ZSWIM9: variants seen among roughly 807,000 people sequenced by gnomAD.
ZSWIM9 encodes the protein uncharacterized protein ZSWIM9.
A neutral mutation model predicts 25.0 loss-of-function variants in ZSWIM9; 11 were observed. That is an observed-to-expected ratio of 0.44 (90% CI 0.28 to 0.73). The LOEUF is 0.73. ZSWIM9 is among the 30% of genes least tolerant of loss of function. The pLI, the probability that ZSWIM9 is intolerant of heterozygous loss-of-function variation, is 0.16. For missense variants in ZSWIM9, 1,070 were observed against 1,296.5 expected, an observed-to-expected ratio of 0.83 and a Z score of 2.68; for synonymous variants, 562 against 582.1, an observed-to-expected ratio of 0.97 and a Z score of 0.50.
At chr19:48,187,537 ATTATATTATATTAT>A (rs2037038632) in intron 3 of ZSWIM9, 1 of 66,966 alleles carries the variant, frequency 1.5e-5, no homozygotes, top group Non-Finnish European at 2.7e-5. Flanking sequence ...TTATATTATT[ATTATATTATATTAT>A]ATATATTATA....
At chr19:48,185,200 C>A (rs953341180) in intron 3 of ZSWIM9, among the ~76,000 whole-genome samples, 5 of 146,938 alleles carry the variant, frequency 3.4e-5, no homozygotes, top group Non-Finnish European at 5.9e-5. Context: ...AGTGCAATGG[C>A]GGAATCTTGG....
At chr19:48,187,465 A>ATATAT (rs2037031617) in intron 3 of ZSWIM9, among the ~76,000 whole-genome samples, 1 of 38,754 alleles carries the variant, frequency 2.6e-5, no homozygotes, top group East Asian at 1.1e-3. Flanking sequence ...TATTAATTAT[A>ATATAT]TATATTATAT....
intron 3 of ZSWIM9, among the ~76,000 whole-genome samples, chr19:48,185,990 A>C (rs751691232): frequency 5.9e-5 from 9 of 152,228 alleles, no homozygotes; most frequent in Non-Finnish European, 1.2e-4. Flanking sequence ...TTGTCTAAAA[A>C]AATAAAAAGA....
rs368105468 is a variant in ZSWIM9 at position 48,183,831 on chromosome 19, CG to C, written c.588+1073del. Among the ~76,000 whole-genome samples, 12 of 143,504 alleles carry C rather than the reference CG, an allele frequency of 8.4e-5. 1 individual carries two copies. The highest frequency in any genetic ancestry group is 1.8e-4 in the African/African-American group (7 of 38,974). The allele number at this position is 143,504 out of a possible 152,430, so 94.1% of individuals were successfully genotyped here. ...TTTTAGTTTTTGTAGAGATGTTTGGCGGGGGGGGGTCTCCCTATGTTGCCCA... is the reference window on the plus strand; with the variant it reads ...TTTTAGTTTTTGTAGAGATGTTTGGCGGGGGGGGTCTCCCTATGTTGCCCA... On this transcript the variant is annotated intron_variant, in intron 3 of 3. Transcript: ENST00000614654.
chr19:48,187,585 T>TAA (rs2037044071), intron 3 of ZSWIM9: 1 of 65,352 alleles, frequency 1.5e-5, no homozygotes, highest in Non-Finnish European at 3.0e-5. Flanking sequence ...ATATTATATA[T>TAA]TATATAATAT....
At chr19:48,172,957 C>G (rs898084607) in intron 2 of ZSWIM9, among the ~76,000 whole-genome samples, 5 of 152,092 alleles carry the variant, frequency 3.3e-5, no homozygotes, top group Non-Finnish European at 5.9e-5. Flanking sequence ...AACAGAAGAG[C>G]CAGGTTTTGT....
intron 1 of ZSWIM9, among the ~76,000 whole-genome samples, chr19:48,171,549 G>T (rs146686685): frequency 1.3e-5 from 2 of 152,098 alleles, no homozygotes; most frequent in Non-Finnish European, 1.5e-5. Flanking sequence ...AGGAGGAGAC[G>T]AGTTGGAATT....
chr19:48,188,269 C>T lies in ZSWIM9; in HGVS notation c.588+5502C>T, dbSNP rs142628819. Among the ~76,000 whole-genome samples the T allele has an allele frequency of 3.6e-3, 553 of 151,600 alleles. 6 individuals carry two copies. The highest frequency in any genetic ancestry group is 0.012 in the African/African-American group (498 of 41,322). On this transcript the variant is annotated intron_variant, in intron 3 of 3. Transcript: ENST00000614654. ...ATGGAGTCTCGCTCTGTCTCCCAGG[C>T]TGGAGTGCAGTGGCGCAATCTTGGC...
chr19:48,182,146 G>A lies in ZSWIM9; in HGVS notation c.276-309G>A. On this transcript the variant is annotated intron_variant, in intron 2 of 3. Coordinates refer to ENST00000614654, the MANE Select transcript of ZSWIM9 (RefSeq NM_199341.4). This position sits in a 1 kb window ranked among gnomAD's most constrained non-coding sequence, Gnocchi z 4.6. ...AGGGTGGTAGGTATAGAATTTTAGT[G>A]AACACTTACTGCTTGCCATATTCCA... is the stretch of plus-strand genomic sequence containing the variant. 1 of 367,840 alleles carries A rather than the reference G, an allele frequency of 2.7e-6. No individual in the cohort carries two copies. Among genetic ancestry groups the A allele is most frequent in the Non-Finnish European group, 4.9e-6 (1 of 204,876 alleles). The allele number at this position is 367,840 out of a possible 1,614,324, so 22.8% of individuals were successfully genotyped here.
rs2123448137 is a variant in ZSWIM9, at chr19:48,194,208, A to G, written c.589-445A>G. ...AACTAGATTGCTGGGGCCCGCCCCC[A>G]GAGTTTCAGACTCAGTGGGTCTGAG... is the stretch of plus-strand genomic sequence containing the variant. On this transcript the variant is annotated intron_variant, in intron 3 of 3. Coordinates refer to ENST00000614654, the MANE Select transcript of ZSWIM9 (RefSeq NM_199341.4). The surrounding 1 kb of genome is among the most constrained non-coding windows in gnomAD (Gnocchi z 6.0). 6.6e-6 allele frequency among the ~76,000 whole-genome samples: 1 copy of G among 152,212 alleles called. No individual in the cohort carries two copies. Among genetic ancestry groups the G allele is most frequent in the East Asian group, 1.9e-4 (1 of 5,170 alleles).
intron 3 of ZSWIM9, among the ~76,000 whole-genome samples, chr19:48,188,816 G>T (rs1054433927): frequency 7.2e-5 from 11 of 152,054 alleles, no homozygotes; most frequent in Admixed American, 6.5e-4. Context: ...TGGATCACGA[G>T]GTCAGGAGAT....
chr19:48,197,398 G>C lies in ZSWIM9; in HGVS notation c.*571G>C. 2 of 626,998 alleles carry C rather than the reference G, an allele frequency of 3.2e-6. No homozygotes were observed. The highest frequency in any genetic ancestry group is 5.7e-6 in the Non-Finnish European group (2 of 350,608). The allele number at this position is 626,998 out of a possible 1,614,324, so 38.8% of individuals were successfully genotyped here. On this transcript the variant is annotated 3_prime_UTR_variant, in exon 4 of 4. Transcript: ENST00000614654. ...AAGGGACGGGATGTAGGAGGGGGAAGAAAAATCGGAGATGAGACAAAAGAA... is the reference window on the plus strand; with the variant it reads ...AAGGGACGGGATGTAGGAGGGGGAACAAAAATCGGAGATGAGACAAAAGAA...
rs2037175815 is a variant in ZSWIM9, at chr19:48,197,051, A to C, written c.*224A>C. On this transcript the variant is annotated 3_prime_UTR_variant, in exon 4 of 4. Coordinates refer to ENST00000614654, the MANE Select transcript of ZSWIM9 (RefSeq NM_199341.4). ...ACAGCTTGGGAAGGTGTTGATGGGC[A>C]GGGTGGATTCTGAGGGCTTCCCTCT... 1.8e-6 allele frequency: 1 copy of C among 545,730 alleles called. No individual in the cohort carries two copies. The highest frequency in any genetic ancestry group is 3.2e-6 in the Non-Finnish European group (1 of 310,340). 33.8% of individuals were successfully genotyped at this position (545,730 alleles called of 1,614,324 possible). A position where few individuals can be genotyped will look rare whatever the true frequency, so the allele number is the denominator to read the frequency against.
intron 3 of ZSWIM9, chr19:48,187,576 TATTA>T (rs1568579884): frequency 3.9e-4 from 25 of 64,254 alleles, no homozygotes; most frequent in Non-Finnish European, 6.0e-4. Context: ...ATATTATATA[TATTA>T]TATATTATAT....
intron 2 of ZSWIM9, chr19:48,180,717 G>A (rs369680175): frequency 2.0e-5 from 3 of 151,648 alleles, no homozygotes; most frequent in African/African-American, 4.8e-5. Flanking sequence ...CGCAATGCTC[G>A]GAAACAAAGA....
At position 48,197,193 on chromosome 19, in the gene ZSWIM9, G is replaced by A. The variant is rs1305274943; in HGVS notation, c.*366G>A. The A allele has an allele frequency of 5.7e-6, 4 of 700,828 alleles. No individual in the cohort carries two copies. The Admixed American group carries it at 8.0e-5, about 14-fold the overall frequency. 43.4% of individuals were successfully genotyped at this position (700,828 alleles called of 1,614,324 possible). ...ATCATATGGGGAGTGTCTGGCAAGA[G>A]TAGACTGGCCAGTCTAGGGAGTGCA... On this transcript the variant is annotated 3_prime_UTR_variant, in exon 4 of 4. Transcript: ENST00000614654.
chr19:48,175,356 T>C (rs1443484370), intron 2 of ZSWIM9, among the ~76,000 whole-genome samples: 4 of 152,014 alleles, frequency 2.6e-5, no homozygotes, highest in African/African-American at 7.3e-5. Flanking sequence ...GAACGATATC[T>C]TGGAGCCGTC....
chr19:48,197,527 G>T lies in ZSWIM9; in HGVS notation c.*700G>T. The T allele has an allele frequency of 1.9e-6, 1 of 517,462 alleles. No individual in the cohort carries two copies. Among genetic ancestry groups the T allele is most frequent in the Non-Finnish European group, 3.5e-6 (1 of 289,348 alleles). 32.1% of individuals were successfully genotyped at this position (517,462 alleles called of 1,614,324 possible). A position where few individuals can be genotyped will look rare whatever the true frequency, so the allele number is the denominator to read the frequency against. ...CATCGCCTTCTGAAGAGAGAGGGAGGGCGGGCACTGGGGGTCAGGAGAGTC... is the reference window on the plus strand; with the variant it reads ...CATCGCCTTCTGAAGAGAGAGGGAGTGCGGGCACTGGGGGTCAGGAGAGTC... On this transcript the variant is annotated 3_prime_UTR_variant, in exon 4 of 4. Transcript: ENST00000614654.
At chr19:48,180,205 C>T (rs12459787) in intron 2 of ZSWIM9, among the ~76,000 whole-genome samples, 1 of 151,978 alleles carries the variant, frequency 6.6e-6, no homozygotes, top group African/African-American at 2.4e-5. Flanking sequence ...TAGTAGAGAC[C>T]GCGTTTCTCC....
Sources: gnomAD v4.1 joint callset for allele counts (sites outside exome capture counted in the v4.1 genomes callset) on GRCh38, gnomAD v4.1.1 for gene constraint, Gnocchi (gnomAD v3.1) non-coding constraint, MANE v1.5 for transcripts, NCBI Gene and HGNC (gene_info 2026-07-23, HGNC 2026-07-21) for gene names.